The following DCC variants were observed in gnomAD, a reference collection of about 807,000 sequenced individuals.
The protein encoded by DCC is DCC netrin 1 receptor.
A neutral mutation model predicts 172.5 loss-of-function variants in DCC; 58 were observed. The ratio of observed to expected loss-of-function variants is 0.34; its 90% CI spans 0.27 to 0.42. The LOEUF is 0.42. Ranked by LOEUF, DCC falls within the 10% of genes least tolerant of loss-of-function variation. The probability of loss-of-function intolerance (pLI) is 1.00; values close to 1 mark genes in which losing one functional copy is unlikely to be tolerated. For synonymous variants in DCC, 709 were observed against 644.5 expected (o/e 1.10, Z -1.52); for missense variants, 1,740 against 1,791.0 (o/e 0.97, Z 0.51).
At chr18:53,456,585 A>T (rs2045485942) in intron 23 of DCC, among the ~76,000 whole-genome samples, 1 of 152,220 alleles carries the variant, frequency 6.6e-6, no homozygotes, top group Non-Finnish European at 1.5e-5. Context: ...AGACAGATTC[A>T]CCTGGAGAGT....
chr18:53,151,601 T>C (rs951758789), intron 7 of DCC, among the ~76,000 whole-genome samples: 7 of 152,182 alleles, frequency 4.6e-5, no homozygotes. Flanking sequence ...AGGTATCATG[T>C]TATACAGGAT....
chr18:53,103,685 C>G (rs1198003067), intron 7 of DCC, among the ~76,000 whole-genome samples: 1 of 152,054 alleles, frequency 6.6e-6, no homozygotes, highest in Non-Finnish European at 1.5e-5. Context: ...ACGCTTGATC[C>G]TTTTAGGATT....
chr18:52,349,149 G>C (rs1430379442), intron 1 of DCC, among the ~76,000 whole-genome samples: 1 of 152,048 alleles, frequency 6.6e-6, no homozygotes, highest in Non-Finnish European at 1.5e-5. Context: ...ATAACTGTGG[G>C]TTTCAAACAA....
At chr18:53,353,657 A>C (rs964579726) in intron 15 of DCC, among the ~76,000 whole-genome samples, 1 of 152,108 alleles carries the variant, frequency 6.6e-6, no homozygotes, top group Non-Finnish European at 1.5e-5. Flanking sequence ...ACTTATTTTC[A>C]CTGGTCATAG....
chr18:53,206,332 CATATATGTATATATGT>C (rs763562255), intron 10 of DCC, among the ~76,000 whole-genome samples: 5,188 of 81,210 alleles, frequency 0.064, 262 homozygotes, highest in Non-Finnish European at 0.089. Flanking sequence ...TATTGTAACA[CATATATGTATATATGT>C]ATATATACAT....
intron 1 of DCC, among the ~76,000 whole-genome samples, chr18:52,525,492 T>A (rs1166399169): frequency 6.6e-6 from 1 of 152,220 alleles, no homozygotes; most frequent in Non-Finnish European, 1.5e-5. Context: ...GTCATCCCCA[T>A]TCATTTACAC....
chr18:53,293,353 A>G (rs1027646982), intron 12 of DCC, among the ~76,000 whole-genome samples: 2 of 152,216 alleles, frequency 1.3e-5, no homozygotes, highest in Admixed American at 6.5e-5. Flanking sequence ...AGATTTTCTA[A>G]GCACCACACC....
chr18:52,467,693 A>C (rs1325383138), intron 1 of DCC, among the ~76,000 whole-genome samples: 4 of 152,190 alleles, frequency 2.6e-5, no homozygotes, highest in Non-Finnish European at 5.9e-5. Flanking sequence ...GTTTCTCAAC[A>C]TCCTCTCCAG....
chr18:52,669,042 G>A (rs953639810), intron 1 of DCC, among the ~76,000 whole-genome samples: 4 of 152,178 alleles, frequency 2.6e-5, no homozygotes, highest in Non-Finnish European at 4.4e-5. Context: ...TCAGTCTCCC[G>A]GAGAATTTGG....
At chr18:52,990,147 C>T (rs76398773) in intron 5 of DCC, among the ~76,000 whole-genome samples, 16,787 of 152,004 alleles carry the variant, frequency 0.11, 1,338 homozygotes, top group East Asian at 0.31. Context: ...TGGTGGTATA[C>T]GCCAGAGTAG....
intron 1 of DCC, among the ~76,000 whole-genome samples, chr18:52,725,539 T>C (rs1273079156): frequency 6.6e-6 from 1 of 152,188 alleles, no homozygotes; most frequent in African/African-American, 2.4e-5. Flanking sequence ...CAGTGTGTGA[T>C]AGGCAGTGGG....
chr18:52,986,801 G>A (rs1369301541), intron 5 of DCC, among the ~76,000 whole-genome samples: 4 of 149,328 alleles, frequency 2.7e-5, no homozygotes, highest in East Asian at 4.0e-4. Flanking sequence ...ATACACACAC[G>A]TGTAGTATAT....
chr18:52,665,575 G>A (rs536392415), intron 1 of DCC, among the ~76,000 whole-genome samples: 16 of 152,206 alleles, frequency 1.1e-4, no homozygotes, highest in Middle Eastern at 3.4e-3. Context: ...TTAGATAATC[G>A]GAGCCTGATT....
At chr18:52,383,667 ATGT>A (rs1162744745) in intron 1 of DCC, among the ~76,000 whole-genome samples, 3 of 152,002 alleles carry the variant, frequency 2.0e-5, no homozygotes, top group Admixed American at 6.6e-5. Flanking sequence ...AATTATTCAG[ATGT>A]TGTTTTTCTA....
chr18:52,395,047 G>A (rs754136516), intron 1 of DCC, among the ~76,000 whole-genome samples: 10 of 151,982 alleles, frequency 6.6e-5, no homozygotes, highest in Non-Finnish European at 1.5e-4. Flanking sequence ...ACAGTACCCT[G>A]TAACATCTAT....
intron 12 of DCC, among the ~76,000 whole-genome samples, chr18:53,267,144 A>AT (rs2056686915): frequency 6.6e-6 from 1 of 150,578 alleles, no homozygotes; most frequent in East Asian, 1.9e-4. Flanking sequence ...ATATATATAT[A>AT]TATATAGAGA....
At chr18:52,479,411 A>T (rs1446758225) in intron 1 of DCC, among the ~76,000 whole-genome samples, 1 of 152,104 alleles carries the variant, frequency 6.6e-6, no homozygotes, top group Non-Finnish European at 1.5e-5. Context: ...TTTAATTTGA[A>T]ATTTTCATCT....
At chr18:52,796,055 C>T (rs578003024) in intron 2 of DCC, among the ~76,000 whole-genome samples, 1 of 88,902 alleles carries the variant, frequency 1.1e-5, no homozygotes, top group East Asian at 5.0e-4. Context: ...TCTATAGGTA[C>T]AGTTACTTTT....
intron 1 of DCC, among the ~76,000 whole-genome samples, chr18:52,424,474 C>T (rs900972565): frequency 3.9e-5 from 6 of 152,116 alleles, no homozygotes; most frequent in African/African-American, 1.4e-4. Context: ...AGAGGAAAAG[C>T]CATGGGTATT....
Sources: gnomAD v4.1 joint callset for allele counts (sites outside exome capture counted in the v4.1 genomes callset) on GRCh38, gnomAD v4.1.1 for gene constraint, MANE v1.5 for transcripts, NCBI Gene and HGNC (gene_info 2026-07-23, HGNC 2026-07-21) for gene names.